The following FAM221B variants were observed in gnomAD, a reference collection of about 807,000 sequenced individuals.
The protein encoded by FAM221B is protein FAM221B.
A neutral mutation model predicts 39.8 loss-of-function variants in FAM221B; 35 were observed. The ratio of observed to expected loss-of-function variants is 0.88; its 90% confidence interval spans 0.67 to 1.17. FAM221B has a LOEUF of 1.17. Ranked by LOEUF, FAM221B falls within the 50% of genes most tolerant of loss-of-function variation. The pLI is 0.00. For synonymous variants in FAM221B, 158 were observed against 178.1 expected (o/e 0.89, Z 0.90); for missense variants, 479 against 503.1 (o/e 0.95, Z 0.46).
Position 35,828,370 on chromosome 9 carries a change from C to T in FAM221B, c.-1+93G>A. ...ACTACTACTACTACTACTACTACTACTACTACTACAACAATGTGAAGGGAC... is the reference window on the plus strand; with the variant it reads ...ACTACTACTACTACTACTACTACTATTACTACTACAACAATGTGAAGGGAC... On this transcript the variant is annotated intron_variant, in intron 1 of 6. Transcript: ENST00000423537. The surrounding 1 kb of genome is among the most constrained non-coding windows in gnomAD (Gnocchi z 4.5). 4.5e-6 allele frequency: 1 copy of T among 221,340 alleles called. No homozygotes were observed. Among genetic ancestry groups the T allele is most frequent in the Non-Finnish European group, 7.5e-6 (1 of 132,734 alleles). 13.7% of individuals were successfully genotyped at this position (221,340 alleles called of 1,614,324 possible).
chr9:35,825,036 T>C lies in FAM221B; in HGVS notation c.742+194A>G, dbSNP rs1015567267. Among the ~76,000 whole-genome samples, 1 of 152,246 alleles carries C rather than the reference T, an allele frequency of 6.6e-6. No individual in the cohort carries two copies. Among genetic ancestry groups the C allele is most frequent in the Non-Finnish European group, 1.5e-5 (1 of 68,030 alleles). On this transcript the variant is annotated intron_variant, in intron 3 of 6. Coordinates refer to ENST00000423537, the MANE Select transcript of FAM221B (RefSeq NM_001012446.4). The surrounding 1 kb of genome is among the most constrained non-coding windows in gnomAD (Gnocchi z 4.2). ...GCTACCTGTCTCTACCTGGGCTTTA[T>C]ATGAATCTCCCCACTTTTTGTCTGC... is the stretch of plus-strand genomic sequence containing the variant.
chr9:35,825,713 T>C lies in FAM221B; in HGVS notation c.449A>G (p.Glu150Gly). 6 of 1,614,226 alleles carry C rather than the reference T, an allele frequency of 3.7e-6. No homozygotes were observed. The highest frequency in any genetic ancestry group is 5.1e-6 in the Non-Finnish European group (6 of 1,180,036). ...TGAAAGACAGTGTTCTGGAAGGCTC[T>C]CAGATTCAGAGAGATGGGTAGACCT... ...TRRSTHLSES[E>G]SLPEHCLSGP... is the part of the protein sequence containing the mutation. The change falls in exon 2 of 7, where the codon GAG becomes GGG. Residue 150 changes from glutamate to glycine, a missense_variant. Glu to Gly is a moderately conservative substitution (Grantham distance 98). Coordinates refer to ENST00000423537, the MANE Select transcript of FAM221B (RefSeq NM_001012446.4). The surrounding 1 kb of genome is among the most constrained non-coding windows in gnomAD (Gnocchi z 4.2).
At chr9:35,827,469 C>T (rs1303139783) in intron 1 of FAM221B, among the ~76,000 whole-genome samples, 2 of 152,104 alleles carry the variant, frequency 1.3e-5, no homozygotes, top group Non-Finnish European at 2.9e-5. Flanking sequence ...GGAGAGAGAC[C>T]GATTAACCAA....
intron 1 of FAM221B, among the ~76,000 whole-genome samples, chr9:35,827,363 T>G (rs538179775): frequency 6.6e-6 from 1 of 152,280 alleles, no homozygotes; most frequent in African/African-American, 2.4e-5. Flanking sequence ...ATTCACCCAT[T>G]CTTTCATGGA....
Position 35,818,933 on chromosome 9 carries a change from GA to G in FAM221B, c.1127del (p.Phe376SerfsTer35). On this transcript the variant is annotated frameshift_variant, in exon 6 of 7. Coordinates refer to ENST00000423537, the MANE Select transcript of FAM221B (RefSeq NM_001012446.4). LOFTEE classifies it high-confidence loss of function. The part of the protein sequence containing the change: ...CDRRWEEHET[F>X]FDTQKTRQRG... ...GTTGCCGGGTCTTCTGGGTGTCAAA[GA>G]AAGTCTCGTGTTCCTCCCAGCGCCG... is the stretch of plus-strand genomic sequence containing the variant. 6.4e-7 allele frequency: 1 copy of G among 1,551,916 alleles called. No homozygotes were observed. The highest frequency in any genetic ancestry group is 8.7e-7 in the Non-Finnish European group (1 of 1,147,050).
intron 3 of FAM221B, among the ~76,000 whole-genome samples, chr9:35,824,940 C>T (rs1340517603): frequency 6.6e-6 from 1 of 152,210 alleles, no homozygotes; most frequent in Non-Finnish European, 1.5e-5. Context: ...CTCGGCCTCC[C>T]AAAGTGCTGG....
At chr9:35,819,478 C>T in intron 4 of FAM221B, 84 bp from the exon 5 acceptor site, 2 of 1,258,904 alleles carry the variant, frequency 1.6e-6, no homozygotes, top group Non-Finnish European at 2.2e-6. Context: ...CCCCACCACC[C>T]CCTATGCACG....
Position 35,819,393 on chromosome 9 carries a change from G to C in FAM221B, c.855C>G (p.Asp285Glu), listed in dbSNP as rs369448055. The change falls in exon 5 of 7, where the codon GAC becomes GAG. Residue 285 changes from aspartate (D) to glutamate (E), a missense_variant and splice_region_variant. Transcript: ENST00000423537. ...HLLREHRIIS[D>E]ISVPCKVSQC... The stretch of plus-strand genomic sequence containing the variant: ...GGCTTACCTTGCAGGGCACCGATAT[G>C]TCTGTGGGATTGGGGATGGATGGTA... The C allele has an allele frequency of 2.6e-6, 4 of 1,550,992 alleles. No homozygotes were observed. In the African/African-American group the frequency reaches 5.5e-5, roughly 21 times the overall value.
rs1829527210 is a variant in FAM221B at position 35,828,463 on chromosome 9, C to A, written c.-1G>T. 7 of 985,192 alleles carry A rather than the reference C, an allele frequency of 7.1e-6. No homozygotes were observed. The Admixed American group carries it at 1.8e-4, about 26-fold the overall frequency. 61.0% of individuals were successfully genotyped at this position (985,192 alleles called of 1,614,324 possible). Reference sequence around the variant, plus strand: ...AAGGGCCGTTGGAGAAACCACCTACCCTCTGGGCTTTGGCTTGGTTGTTAC... The same window carrying A: ...AAGGGCCGTTGGAGAAACCACCTACACTCTGGGCTTTGGCTTGGTTGTTAC... On this transcript the variant is annotated splice_region_variant and 5_prime_UTR_variant, in exon 1 of 7. Transcript: ENST00000423537. The surrounding 1 kb of genome is among the most constrained non-coding windows in gnomAD (Gnocchi z 4.5).
intron 3 of FAM221B, among the ~76,000 whole-genome samples, chr9:35,820,736 G>A (rs1018625511): frequency 2.6e-5 from 4 of 152,210 alleles, no homozygotes; most frequent in African/African-American, 7.2e-5. Flanking sequence ...GCAAGGAGGC[G>A]TGGAAAGGAA....
chr9:35,819,748 AC>A (rs1339832881), intron 4 of FAM221B, 141 bp downstream of exon 4: 8 of 629,536 alleles, frequency 1.3e-5, no homozygotes, highest in Non-Finnish European at 5.7e-6. Flanking sequence ...CCTTTGATCC[AC>A]CCGCCTCCGC....
intron 1 of FAM221B, among the ~76,000 whole-genome samples, chr9:35,827,883 A>G (rs1013938231): frequency 6.6e-6 from 1 of 152,222 alleles, no homozygotes; most frequent in African/African-American, 2.4e-5. Flanking sequence ...GAAGATGACC[A>G]GAGTCAGCTA....
chr9:35,820,905 C>A (rs183044672), intron 3 of FAM221B, among the ~76,000 whole-genome samples: 1 of 152,136 alleles, frequency 6.6e-6, no homozygotes, highest in Non-Finnish European at 1.5e-5. Context: ...GATGGCACCT[C>A]CAATTCAGAT....
chr9:35,819,806 C>T lies in FAM221B; in HGVS notation c.853+84G>A, dbSNP rs1207509336. ...AGGGGTGAGCCACCGTGCCCAGCCA[C>T]ATGCTCTCTCTCATACTTCCCAAGA... On this transcript the variant is annotated intron_variant, in intron 4 of 6. Transcript: ENST00000423537. The T allele has an allele frequency of 5.2e-6, 5 of 954,208 alleles. No homozygotes were observed. The Admixed American group carries it at 7.0e-5, about 13-fold the overall frequency. 59.1% of individuals were successfully genotyped at this position (954,208 alleles called of 1,614,324 possible).
chr9:35,825,091 C>G lies in FAM221B; in HGVS notation c.742+139G>C, dbSNP rs1002629484. The G allele has an allele frequency of 1.0e-6, 1 of 985,712 alleles. No individual in the cohort carries two copies. Among genetic ancestry groups the G allele is most frequent in the African/African-American group, 1.6e-5 (1 of 61,324 alleles). The allele number at this position is 985,712 out of a possible 1,614,324, so 61.1% of individuals were successfully genotyped here. On this transcript the variant is annotated intron_variant, in intron 3 of 6. Transcript: ENST00000423537. The surrounding 1 kb of genome is among the most constrained non-coding windows in gnomAD (Gnocchi z 4.2). ...ACCCTTGTATTCCTTGGCCCACTTG[C>G]CTGCTCCTTTTCCAGGCAGGTGGTA... is the stretch of plus-strand genomic sequence containing the variant.
chr9:35,819,534 C>T, intron 4 of FAM221B, 140 bp from the exon 5 acceptor site: 2 of 792,224 alleles, frequency 2.5e-6, no homozygotes, highest in Non-Finnish European at 3.9e-6. Flanking sequence ...GCTCTGTCGC[C>T]CAGGCTGGAG....
chr9:35,822,997 C>T (rs1040064469), intron 3 of FAM221B, among the ~76,000 whole-genome samples: 22 of 152,200 alleles, frequency 1.4e-4, no homozygotes, highest in Non-Finnish European at 1.3e-4. Flanking sequence ...ACAATTCTGC[C>T]CTTCTAGAGC....
intron 3 of FAM221B, among the ~76,000 whole-genome samples, chr9:35,822,403 T>C (rs1205986832): frequency 1.3e-5 from 2 of 152,128 alleles, no homozygotes; most frequent in East Asian, 1.9e-4. Flanking sequence ...TTCCCTACTT[T>C]TCTTGTTTCT....
In FAM221B at chr9:35,823,747, C is replaced by T. The variant is rs529480752; in HGVS notation, c.742+1483G>A. On this transcript the variant is annotated intron_variant, in intron 3 of 6. Transcript: ENST00000423537. ...TGGCACAATCACGGCTCACTGCAGCCTTGACCTCCTGGGCTCAAGTAATCT... is the reference window on the plus strand; with the variant it reads ...TGGCACAATCACGGCTCACTGCAGCTTTGACCTCCTGGGCTCAAGTAATCT... Among the ~76,000 whole-genome samples the T allele has an allele frequency of 2.6e-5, 4 of 152,262 alleles. No homozygotes were observed. The South Asian group carries it at 8.3e-4, about 32-fold the overall frequency.
Sources: allele counts gnomAD v4.1 joint callset (sites outside exome capture counted in the v4.1 genomes callset), GRCh38; gene constraint gnomAD v4.1.1; non-coding constraint Gnocchi (gnomAD v3.1); transcripts MANE v1.5; gene names NCBI Gene and HGNC (gene_info 2026-07-23, HGNC 2026-07-21).